FAM168B: variants seen among roughly 807,000 people sequenced by gnomAD.
FAM168B encodes the protein family with sequence similarity 168 member B.
In FAM168B, 19 loss-of-function variants were observed where a neutral mutation model predicts 21.8. The ratio of observed to expected loss-of-function variants is 0.87; its 90% CI spans 0.61 to 1.28. The LOEUF (loss-of-function observed/expected upper bound fraction) is 1.28. Ranked by LOEUF, FAM168B falls within the 50% of genes most tolerant of loss-of-function variation. The probability of loss-of-function intolerance (pLI) is 0.00; values close to 1 mark genes in which losing one functional copy is unlikely to be tolerated. For synonymous variants in FAM168B, 126 were observed against 104.8 expected (o/e 1.20, Z -1.24); for missense variants, 233 against 263.1 (o/e 0.89, Z 0.79).
At chr2:131,089,790 T>C (rs996413006) in intron 1 of FAM168B, among the ~76,000 whole-genome samples, 1 of 151,492 alleles carries the variant, frequency 6.6e-6, no homozygotes, top group Admixed American at 6.6e-5. Flanking sequence ...TCCCAGCACT[T>C]TGGGAGGCCA....
intron 3 of FAM168B, among the ~76,000 whole-genome samples, chr2:131,059,471 G>C (rs1482383736): frequency 6.6e-6 from 1 of 152,140 alleles, no homozygotes. Context: ...AGACACTGCC[G>C]AATGGGATCC....
chr2:131,075,056 CTAAT>C lies in FAM168B; in HGVS notation c.71-3122_71-3119del, dbSNP rs1162875332. ...ACTCTCACCCTCCCGTTTGCCCTCT[CTAAT>C]TAGTCAGAGAACAGAGTGTGGTGGA... On this transcript the variant is annotated intron_variant, in intron 2 of 6. Transcript: ENST00000389915. 2.0e-5 allele frequency among the ~76,000 whole-genome samples: 3 copies of C among 152,124 alleles called. No homozygotes were observed. The East Asian group carries it at 5.8e-4, about 29-fold the overall frequency.
chr2:131,048,362 A>T lies in FAM168B; in HGVS notation c.*4103T>A. 7.7e-7 allele frequency: 1 copy of T among 1,295,060 alleles called. No homozygotes were observed. The highest frequency in any genetic ancestry group is 1.0e-6 in the Non-Finnish European group (1 of 982,146). The allele number at this position is 1,295,060 out of a possible 1,614,324, so 80.2% of individuals were successfully genotyped here. ...GCACAGCCTGTGGTGAGGAGGAGACACCTGTCATGCCAGTCCTGGGAGCAC... is the reference window on the plus strand; with the variant it reads ...GCACAGCCTGTGGTGAGGAGGAGACTCCTGTCATGCCAGTCCTGGGAGCAC... On this transcript the variant is annotated 3_prime_UTR_variant, in exon 7 of 7. Coordinates refer to ENST00000389915, the MANE Select transcript of FAM168B (RefSeq NM_001009993.4).
chr2:131,049,508 AG>A lies in FAM168B; in HGVS notation c.*2956del, dbSNP rs368304747. On this transcript the variant is annotated 3_prime_UTR_variant, in exon 7 of 7. Transcript: ENST00000389915. The stretch of plus-strand genomic sequence containing the variant: ...CTGGCCCTGACTCTGGCCCTCACAG[AG>A]CGGCAAGTTCATGGGTCACTGGCTC... 2.9e-4 allele frequency: 290 copies of A among 985,466 alleles called. 2 individuals are homozygous for A. In the African/African-American group the frequency reaches 4.5e-3, roughly 15 times the overall value. 61.0% of individuals were successfully genotyped at this position (985,466 alleles called of 1,614,324 possible). A position where few individuals can be genotyped will look rare whatever the true frequency, so the allele number is the denominator to read the frequency against.
intron 3 of FAM168B, among the ~76,000 whole-genome samples, chr2:131,060,706 G>C (rs1692248375): frequency 6.6e-6 from 1 of 152,080 alleles, no homozygotes; most frequent in Non-Finnish European, 1.5e-5. Flanking sequence ...AAGACACAAA[G>C]GATTCTGAAT....
At chr2:131,092,753 A>C (rs552482389) in intron 1 of FAM168B, among the ~76,000 whole-genome samples, 108 of 152,286 alleles carry the variant, frequency 7.1e-4, no homozygotes, top group Non-Finnish European at 2.5e-4. Flanking sequence ...AAAAATCTGT[A>C]ATTTAAATCG....
At position 131,052,142 on chromosome 2, in the gene FAM168B, A is replaced by T; in HGVS notation, c.*323T>A. The T allele has an allele frequency of 1.0e-6, 1 of 985,806 alleles. No individual in the cohort carries two copies. Among genetic ancestry groups the T allele is most frequent in the Non-Finnish European group, 1.2e-6 (1 of 829,938 alleles). 61.1% of individuals were successfully genotyped at this position (985,806 alleles called of 1,614,324 possible). ...TGCATCAGTCACTGCAGGTAGATTG[A>T]GCAAGCTTTTTGTGTTTGTTTTTTT... is the stretch of plus-strand genomic sequence containing the variant. On this transcript the variant is annotated 3_prime_UTR_variant, in exon 7 of 7. Transcript: ENST00000389915.
At chr2:131,062,097 A>T (rs189744751) in intron 3 of FAM168B, among the ~76,000 whole-genome samples, 1 of 152,236 alleles carries the variant, frequency 6.6e-6, no homozygotes, top group Admixed American at 6.5e-5. Flanking sequence ...CAACATTGCT[A>T]ATAAGAAAGT....
chr2:131,074,494 T>C (rs920451411), intron 2 of FAM168B, among the ~76,000 whole-genome samples: 4 of 152,188 alleles, frequency 2.6e-5, no homozygotes, highest in African/African-American at 9.7e-5. Flanking sequence ...CCTTGATTAC[T>C]GTTCCCACTA....
intron 1 of FAM168B, among the ~76,000 whole-genome samples, chr2:131,085,116 T>C (rs567158803): frequency 1.3e-5 from 2 of 152,302 alleles, no homozygotes; most frequent in African/African-American, 4.8e-5. Flanking sequence ...GGGAACTCTC[T>C]GTACCTTCTG....
At chr2:131,069,356 T>C (rs1692739145) in intron 3 of FAM168B, among the ~76,000 whole-genome samples, 1 of 152,168 alleles carries the variant, frequency 6.6e-6, no homozygotes, top group Admixed American at 6.5e-5. Flanking sequence ...GATATAAACT[T>C]CAATCCATTC....
At chr2:131,072,061 A>T (rs192637230) in intron 2 of FAM168B, 123 bp from the exon 3 acceptor site, 5 of 788,840 alleles carry the variant, frequency 6.3e-6, no homozygotes, top group Non-Finnish European at 1.1e-5. Context: ...CAGCCCCAAG[A>T]GCACTATGTG....
intron 1 of FAM168B, among the ~76,000 whole-genome samples, chr2:131,092,131 G>GAAC (rs1694065108): frequency 6.7e-6 from 1 of 149,988 alleles, no homozygotes. Context: ...GAAACAGAGG[G>GAAC]AGACTCCGTC....
Position 131,055,654 on chromosome 2 carries a change from TGGG to T in FAM168B, c.193_195del (p.Pro65del). ...GAGTACGGTGGCACAGCCCCGCTGG[TGGG>T]GGAACAGGACACTTTGTAAGGTGTG... On this transcript the variant is annotated inframe_deletion, in exon 4 of 7. Coordinates refer to ENST00000389915, the MANE Select transcript of FAM168B (RefSeq NM_001009993.4). The T allele has an allele frequency of 6.2e-7, 1 of 1,613,614 alleles. No homozygotes were observed. Among genetic ancestry groups the T allele is most frequent in the South Asian group, 1.1e-5 (1 of 91,038 alleles).
In FAM168B at chr2:131,049,686, C is replaced by G. The variant is rs570571331; in HGVS notation, c.*2779G>C. 2.3e-5 allele frequency: 23 copies of G among 985,810 alleles called. No homozygotes were observed. The African/African-American group carries it at 3.7e-4, about 16-fold the overall frequency. The allele number at this position is 985,810 out of a possible 1,614,324, so 61.1% of individuals were successfully genotyped here. On this transcript the variant is annotated 3_prime_UTR_variant, in exon 7 of 7. Transcript: ENST00000389915. ...ATCATGATGTCCATGTTTACATGAACTAGGTCCTTTGCTTACCTGCTGTCT... is the reference window on the plus strand; with the variant it reads ...ATCATGATGTCCATGTTTACATGAAGTAGGTCCTTTGCTTACCTGCTGTCT...
In FAM168B at chr2:131,082,342, G is replaced by C. The variant is rs565061510; in HGVS notation, c.70+235C>G. Among the ~76,000 whole-genome samples the C allele has an allele frequency of 5.3e-3, 803 of 152,262 alleles. 4 individuals carry two copies. Among genetic ancestry groups the C allele is most frequent in the South Asian group, 0.021 (99 of 4,824 alleles). On this transcript the variant is annotated intron_variant, in intron 2 of 6. Coordinates refer to ENST00000389915, the MANE Select transcript of FAM168B (RefSeq NM_001009993.4). ...TGACCAACACTAAGTTAATACTGAG[G>C]AAGCGAAGCTGAGACCAGGAGGTAG...
chr2:131,053,433 T>C (rs1031437129), intron 5 of FAM168B, among the ~76,000 whole-genome samples: 5 of 152,190 alleles, frequency 3.3e-5, no homozygotes, highest in African/African-American at 1.2e-4. Flanking sequence ...ATGAAGTACC[T>C]GGAGTAGTCA....
intron 3 of FAM168B, among the ~76,000 whole-genome samples, chr2:131,056,669 T>C (rs1258643187): frequency 6.6e-6 from 1 of 152,192 alleles, no homozygotes; most frequent in Non-Finnish European, 1.5e-5. Flanking sequence ...AAGCTGGCAA[T>C]GGCCCAGATG....
At chr2:131,072,985 G>T (rs926636314) in intron 2 of FAM168B, among the ~76,000 whole-genome samples, 2 of 152,126 alleles carry the variant, frequency 1.3e-5, no homozygotes, top group African/African-American at 4.8e-5. Flanking sequence ...CATTTTCACT[G>T]AATTCCGACA....
Sources: gnomAD v4.1 joint callset for allele counts (sites outside exome capture counted in the v4.1 genomes callset) on GRCh38, gnomAD v4.1.1 for gene constraint, MANE v1.5 for transcripts, NCBI Gene and HGNC (gene_info 2026-07-23, HGNC 2026-07-21) for gene names.